Variants in NRCAM observed in about 807,000 individuals in gnomAD.
NRCAM encodes the protein NgCAM-related cell adhesion molecule.
In NRCAM, 83 loss-of-function variants were observed where a neutral mutation model predicts 156.5. That is an observed-to-expected ratio of 0.53 (90% CI 0.44 to 0.64). NRCAM has a LOEUF of 0.64. NRCAM is among the 30% of genes least tolerant of loss of function. The pLI, the probability that NRCAM is intolerant of heterozygous loss-of-function variation, is 0.00. For synonymous variants in NRCAM, 538 were observed against 563.9 expected, an observed-to-expected ratio of 0.95 and a Z score of 0.65; for missense variants, 1,417 against 1,597.3, an observed-to-expected ratio of 0.89 and a Z score of 1.92.
At chr7:108,426,609 CCT>C (rs1817614636) in intron 1 of NRCAM, among the ~76,000 whole-genome samples, 1 of 152,118 alleles carries the variant, frequency 6.6e-6, no homozygotes, top group Admixed American at 6.5e-5. Flanking sequence ...CAGAGAAGGC[CCT>C]GACTTCTTTT....
intron 1 of NRCAM, among the ~76,000 whole-genome samples, chr7:108,406,550 A>C (rs2099808029): frequency 6.6e-6 from 1 of 152,204 alleles, no homozygotes; most frequent in Non-Finnish European, 1.5e-5. Context: ...CTCAGATTGA[A>C]GCTTTTCTGA....
Position 108,232,455 on chromosome 7 carries a change from C to T in NRCAM, c.298G>A (p.Gly100Ser). The change falls in exon 7 of 33, where the codon GGC becomes AGC. Residue 100 changes from glycine (G) to serine (S), a missense_variant. By Grantham distance (56) the Gly-to-Ser change is moderately conservative (BLOSUM62 0). Transcript: ENST00000379028. ...DKDPLVTMKP[G>S]TGTLIINIMS... ...ATGTTAATTATGAGCGTTCCTGTGC[C>T]AGGCTTCATGGTGACCAGAGGGTCT... 1 of 1,613,638 alleles carries T rather than the reference C, an allele frequency of 6.2e-7. No individual in the cohort carries two copies. The highest frequency in any genetic ancestry group is 8.5e-7 in the Non-Finnish European group (1 of 1,179,750).
chr7:108,151,424 T>C (rs1358940353), intron 32 of NRCAM, among the ~76,000 whole-genome samples: 1 of 152,170 alleles, frequency 6.6e-6, no homozygotes, highest in Non-Finnish European at 1.5e-5. Flanking sequence ...CAGTGACTTT[T>C]TTTTTCAAGC....
intron 8 of NRCAM, among the ~76,000 whole-genome samples, chr7:108,230,354 G>A (rs1301491391): frequency 1.3e-5 from 2 of 151,444 alleles, no homozygotes; most frequent in African/African-American, 4.8e-5. Context: ...CTAGATTACA[G>A]CAGTGGCCCC....
At chr7:108,232,078 C>CT (rs11454932) in intron 7 of NRCAM, among the ~76,000 whole-genome samples, 12,202 of 147,486 alleles carry the variant, frequency 0.083, 712 homozygotes, top group African/African-American at 0.17. Context: ...GGAAGAAACA[C>CT]TTTTTTTTTT....
intron 2 of NRCAM, among the ~76,000 whole-genome samples, chr7:108,343,236 AG>A (rs1457964770): frequency 6.6e-6 from 1 of 152,222 alleles, no homozygotes; most frequent in Non-Finnish European, 1.5e-5. Flanking sequence ...TAGAATTAGA[AG>A]GAAAAAGGGT....
intron 22 of NRCAM, among the ~76,000 whole-genome samples, chr7:108,183,449 A>T (rs1420160207): frequency 6.6e-6 from 1 of 152,128 alleles, no homozygotes; most frequent in Non-Finnish European, 1.5e-5. Flanking sequence ...ATATATGTTA[A>T]TTTTCCAAAT....
chr7:108,167,376 A>C (rs2055176309), intron 29 of NRCAM, among the ~76,000 whole-genome samples: 1 of 152,198 alleles, frequency 6.6e-6, no homozygotes, highest in Admixed American at 6.5e-5. Flanking sequence ...TTGCCTTATG[A>C]AACTGTTGAG....
chr7:108,187,998 T>C (rs1026289765), intron 20 of NRCAM, among the ~76,000 whole-genome samples: 4 of 150,802 alleles, frequency 2.7e-5, no homozygotes, highest in African/African-American at 9.8e-5. Flanking sequence ...AAAATGTCCA[T>C]GGAAGAAAAA....
intron 1 of NRCAM, among the ~76,000 whole-genome samples, chr7:108,452,236 G>A (rs563972823): frequency 2.5e-4 from 38 of 152,252 alleles, no homozygotes; most frequent in Non-Finnish European, 4.1e-4. Context: ...GGGGAATTGG[G>A]GAGATGAGAT....
rs984166271 is a variant in NRCAM at position 108,347,182 on chromosome 7, C to T, written c.-173-34451G>A. 5.9e-5 allele frequency among the ~76,000 whole-genome samples: 9 copies of T among 151,666 alleles called. No individual in the cohort carries two copies. In the South Asian group the frequency reaches 8.3e-4, roughly 14 times the overall value. ...CCTCCCAAGTAGCTGGGACTACAGG[C>T]GCCTGCCACCATGCCTGGCTAATTT... On this transcript the variant is annotated intron_variant, in intron 2 of 32. Transcript: ENST00000379028.
At chr7:108,381,789 G>A (rs1303140183) in intron 2 of NRCAM, among the ~76,000 whole-genome samples, 1 of 152,002 alleles carries the variant, frequency 6.6e-6, no homozygotes, top group Non-Finnish European at 1.5e-5. Context: ...TCAAACTCCT[G>A]ACCTCAGGTG....
At chr7:108,291,705 C>A (rs549907007) in intron 3 of NRCAM, among the ~76,000 whole-genome samples, 1 of 151,738 alleles carries the variant, frequency 6.6e-6, no homozygotes, top group African/African-American at 2.4e-5. Flanking sequence ...AGAGACAGAG[C>A]GACAGAGAGA....
chr7:108,280,683 A>G (rs2097823457), intron 3 of NRCAM, among the ~76,000 whole-genome samples: 1 of 152,216 alleles, frequency 6.6e-6, no homozygotes. Flanking sequence ...GACTGGGGGA[A>G]ATAACAATGT....
intron 3 of NRCAM, among the ~76,000 whole-genome samples, chr7:108,305,408 AGTTTTTTGTTTTTTT>A (rs910300129): frequency 1.4e-4 from 22 of 152,112 alleles, no homozygotes; most frequent in African/African-American, 5.3e-4. Context: ...GATCCTTCTC[AGTTTTTTGTTTTTTT>A]GTTTTTTGTT....
intron 20 of NRCAM, among the ~76,000 whole-genome samples, chr7:108,187,417 C>T (rs76395105): frequency 0.036 from 5,442 of 152,264 alleles, 305 homozygotes; most frequent in African/African-American, 0.12. Flanking sequence ...AAAGTTCTTC[C>T]CCTAGACAAC....
rs564876353 is a variant in NRCAM, at chr7:108,261,849, T to C, written c.-106-21679A>G. Among the ~76,000 whole-genome samples, 19 of 152,256 alleles carry C rather than the reference T, an allele frequency of 1.2e-4. No individual in the cohort carries two copies. In the South Asian group the frequency reaches 3.7e-3, roughly 30 times the overall value. Reference sequence around the variant, plus strand: ...TCTGCACTCAAGCACAACCCAGCAGTGCAGGGGAGTTAGTCTTGTGAGGGC... The same window carrying C: ...TCTGCACTCAAGCACAACCCAGCAGCGCAGGGGAGTTAGTCTTGTGAGGGC... On this transcript the variant is annotated intron_variant, in intron 3 of 32. Coordinates refer to ENST00000379028, the MANE Select transcript of NRCAM (RefSeq NM_001037132.4).
At chr7:108,426,662 C>A (rs961182450) in intron 1 of NRCAM, among the ~76,000 whole-genome samples, 2 of 152,206 alleles carry the variant, frequency 1.3e-5, no homozygotes, top group Non-Finnish European at 2.9e-5. Flanking sequence ...TTGGCCTGAA[C>A]AAAGGGCACA....
chr7:108,434,187 T>A (rs558691794), intron 1 of NRCAM, among the ~76,000 whole-genome samples: 15 of 152,102 alleles, frequency 9.9e-5, no homozygotes, highest in African/African-American at 3.6e-4. Flanking sequence ...ACAACCCCCA[T>A]CCCCGGCTCT....
Sources: gnomAD v4.1 joint callset for allele counts (sites outside exome capture counted in the v4.1 genomes callset) on GRCh38, gnomAD v4.1.1 for gene constraint, MANE v1.5 for transcripts, NCBI Gene and HGNC (gene_info 2026-07-23, HGNC 2026-07-21) for gene names.